Variants in STXBP5L observed in about 807,000 individuals in gnomAD.
The protein encoded by STXBP5L is syntaxin binding protein 5L.
In STXBP5L, 65 loss-of-function variants were observed where a neutral mutation model predicts 144.5. That is an observed-to-expected ratio of 0.45 (90% CI 0.37 to 0.55). The LOEUF (loss-of-function observed/expected upper bound fraction) is 0.55, where lower values mean the gene tolerates loss of function less well. STXBP5L is among the 20% of genes least tolerant of loss of function. STXBP5L has a pLI of 0.00. For missense variants in STXBP5L, 1,298 were observed against 1,405.5 expected, an observed-to-expected ratio of 0.92 and a Z score of 1.22; for synonymous variants, 505 against 469.6, an observed-to-expected ratio of 1.08 and a Z score of -0.97.
chr3:121,407,153 G>A, intron 22 of STXBP5L, 90 bp from the exon 23 acceptor site: 1 of 1,444,226 alleles, frequency 6.9e-7, no homozygotes, highest in African/African-American at 1.4e-5. Context: ...TGACTCTATA[G>A]GTATAAATTA....
At chr3:121,123,034 C>G (rs1281076351) in intron 7 of STXBP5L, among the ~76,000 whole-genome samples, 1 of 151,164 alleles carries the variant, frequency 6.6e-6, no homozygotes, top group South Asian at 2.1e-4. Context: ...ATAAGCCTAC[C>G]AAAAAAGATG....
At chr3:120,958,817 T>C (rs1299580157) in intron 3 of STXBP5L, among the ~76,000 whole-genome samples, 2 of 152,288 alleles carry the variant, frequency 1.3e-5, no homozygotes, top group Non-Finnish European at 2.9e-5. Flanking sequence ...GGGCAAAAAC[T>C]GGAAGCATTC....
chr3:120,945,199 T>G (rs767470462), intron 2 of STXBP5L, among the ~76,000 whole-genome samples: 1 of 151,910 alleles, frequency 6.6e-6, no homozygotes, highest in East Asian at 1.9e-4. Flanking sequence ...ATCCACACTT[T>G]ACCCAGAGTG....
At chr3:121,270,462 T>A in intron 18 of STXBP5L, among the ~76,000 whole-genome samples, 1 of 148,540 alleles carries the variant, frequency 6.7e-6, no homozygotes, top group East Asian at 2.0e-4. Context: ...TTCTTCAGCA[T>A]TTTTTTTTTA....
chr3:121,182,646 AG>A (rs2047206209), intron 9 of STXBP5L, among the ~76,000 whole-genome samples: 1 of 152,182 alleles, frequency 6.6e-6, no homozygotes, highest in Non-Finnish European at 1.5e-5. Context: ...GAAGTAACAA[AG>A]ATCAGTGCAG....
intron 24 of STXBP5L, among the ~76,000 whole-genome samples, chr3:121,415,303 C>A (rs2047207435): frequency 6.6e-6 from 1 of 152,150 alleles, no homozygotes; most frequent in African/African-American, 2.4e-5. Context: ...TTCTAACAAG[C>A]ATTTCTCTAG....
At chr3:121,320,926 C>G (rs2043950833) in intron 20 of STXBP5L, among the ~76,000 whole-genome samples, 1 of 152,126 alleles carries the variant, frequency 6.6e-6, no homozygotes, top group African/African-American at 2.4e-5. Context: ...GTCTCGATCT[C>G]CTGACCTGGT....
At chr3:121,075,654 A>G (rs2041988815) in intron 5 of STXBP5L, among the ~76,000 whole-genome samples, 1 of 152,182 alleles carries the variant, frequency 6.6e-6, no homozygotes, top group African/African-American at 2.4e-5. Flanking sequence ...AGTCTCTCAT[A>G]AAATTCACTG....
intron 5 of STXBP5L, among the ~76,000 whole-genome samples, chr3:121,083,578 G>T (rs1576892757): frequency 6.6e-6 from 1 of 151,972 alleles, no homozygotes; most frequent in Non-Finnish European, 1.5e-5. Flanking sequence ...CAGGAGAATT[G>T]CTTGAACCTG....
At chr3:121,091,003 C>T (rs746424635) in intron 5 of STXBP5L, among the ~76,000 whole-genome samples, 1 of 147,404 alleles carries the variant, frequency 6.8e-6, no homozygotes, top group Admixed American at 7.0e-5. Flanking sequence ...TGTTCAATTC[C>T]CACCTATGAG....
intron 5 of STXBP5L, among the ~76,000 whole-genome samples, chr3:121,098,091 G>T (rs1483762288): frequency 2.6e-5 from 4 of 151,890 alleles, no homozygotes; most frequent in South Asian, 2.1e-4. Flanking sequence ...TCAACCTACG[G>T]TACTGATATC....
rs947815365 is a variant in STXBP5L at position 121,347,938 on chromosome 3, A to C, written c.2176+29398A>C. Among the ~76,000 whole-genome samples, 70 of 152,272 alleles carry C rather than the reference A, an allele frequency of 4.6e-4. 1 individual carries two copies. Among genetic ancestry groups the C allele is most frequent in the African/African-American group, 1.5e-3 (64 of 41,548 alleles). On this transcript the variant is annotated intron_variant, in intron 20 of 26. Transcript: ENST00000471454. Reference sequence around the variant, plus strand: ...TTTGACTTCCTCTTTTCCGAATTGAATACCCTTTATTTCCTTCTCCTGCCT... The same window carrying C: ...TTTGACTTCCTCTTTTCCGAATTGACTACCCTTTATTTCCTTCTCCTGCCT...
At chr3:121,177,714 A>G (rs2046989244) in intron 9 of STXBP5L, among the ~76,000 whole-genome samples, 1 of 152,184 alleles carries the variant, frequency 6.6e-6, no homozygotes, top group South Asian at 2.1e-4. Context: ...GGAAAACAGT[A>G]TGGTGGTTTC....
At chr3:121,021,649 C>A (rs1007083242) in intron 3 of STXBP5L, among the ~76,000 whole-genome samples, 2 of 152,080 alleles carry the variant, frequency 1.3e-5, no homozygotes, top group Non-Finnish European at 2.9e-5. Context: ...AATTAAATAA[C>A]CTATTCCTGA....
At chr3:121,102,538 T>C (rs977441402) in intron 5 of STXBP5L, among the ~76,000 whole-genome samples, 1 of 152,094 alleles carries the variant, frequency 6.6e-6, no homozygotes, top group Non-Finnish European at 1.5e-5. Flanking sequence ...ACCTCTACCA[T>C]ACACAAAAAT....
At chr3:120,957,071 C>T (rs1170045514) in intron 3 of STXBP5L, among the ~76,000 whole-genome samples, 1 of 151,914 alleles carries the variant, frequency 6.6e-6, no homozygotes, top group Non-Finnish European at 1.5e-5. Context: ...CATTTGTTGA[C>T]AAGACTGTCT....
chr3:121,171,317 C>T (rs1251950135), intron 9 of STXBP5L, among the ~76,000 whole-genome samples: 2 of 152,178 alleles, frequency 1.3e-5, no homozygotes, highest in East Asian at 1.9e-4. Context: ...TGGCATCTCT[C>T]ACCACTGCTA....
At chr3:121,204,458 G>A (rs1464201077) in intron 9 of STXBP5L, among the ~76,000 whole-genome samples, 1 of 152,102 alleles carries the variant, frequency 6.6e-6, no homozygotes, top group Non-Finnish European at 1.5e-5. Context: ...AGCATGCCAA[G>A]CAGCAGATAT....
chr3:121,036,036 T>A lies in STXBP5L; in HGVS notation c.288-5664T>A, dbSNP rs184026530. 4.2e-3 allele frequency among the ~76,000 whole-genome samples: 639 copies of A among 152,244 alleles called. 4 individuals carry two copies. The highest frequency in any genetic ancestry group is 0.015 in the African/African-American group (609 of 41,570). On this transcript the variant is annotated intron_variant, in intron 3 of 26. Transcript: ENST00000471454. The stretch of plus-strand genomic sequence containing the variant: ...TTTGCTAGTAGATAGAATTACAATT[T>A]ATTTAAAAATTTGGGGGCTGGGCAT...
Sources: gnomAD v4.1 joint callset for allele counts (sites outside exome capture counted in the v4.1 genomes callset) on GRCh38, gnomAD v4.1.1 for gene constraint, MANE v1.5 for transcripts, NCBI Gene and HGNC (gene_info 2026-07-23, HGNC 2026-07-21) for gene names.